The following ELFN1 variants were observed in gnomAD, a reference collection of about 807,000 sequenced individuals.
The protein encoded by ELFN1 is extracellular leucine rich repeat and fibronectin type III domain containing 1.
In ELFN1, 6 loss-of-function variants were observed where a neutral mutation model predicts 7.6. The ratio of observed to expected loss-of-function variants is 0.79; its 90% CI spans 0.43 to 1.56. The LOEUF is 1.56. ELFN1 is among the 40% of genes most tolerant of loss of function. ELFN1 has a pLI of 0.01. For missense variants in ELFN1, 1,169 were observed against 1,232.2 expected, an observed-to-expected ratio of 0.95 and a Z score of 0.77; for synonymous variants, 657 against 588.1, an observed-to-expected ratio of 1.12 and a Z score of -1.70.
In ELFN1 at chr7:1,740,104, G is replaced by A. The variant is rs1420917074; in HGVS notation, c.-293-4200G>A. Among the ~76,000 whole-genome samples the A allele has an allele frequency of 6.6e-6, 1 of 152,214 alleles. No homozygotes were observed. The highest frequency in any genetic ancestry group is 1.5e-5 in the Non-Finnish European group (1 of 68,028). ...CCAAGAAAGTGGTGTGGGCAGGATG[G>A]CATTGCAGAGGGCTGGAGGTATCAG... On this transcript the variant is annotated intron_variant, in intron 3 of 3. Transcript: ENST00000424383. The surrounding 1 kb of genome is among the most constrained non-coding windows in gnomAD (Gnocchi z 5.0).
At chr7:1,674,052 C>T (rs970318644) in intron 1 of ELFN1, among the ~76,000 whole-genome samples, 1 of 150,632 alleles carries the variant, frequency 6.6e-6, no homozygotes, top group Non-Finnish European at 1.5e-5. Flanking sequence ...CTGAGTCAGG[C>T]GGCGAGGACC....
At chr7:1,691,532 G>T (rs901494419) in intron 2 of ELFN1, among the ~76,000 whole-genome samples, 1 of 152,196 alleles carries the variant, frequency 6.6e-6, no homozygotes, top group African/African-American at 2.4e-5. Flanking sequence ...TGTAAAATGG[G>T]CAGGGGGTTA....
chr7:1,694,521 A>G (rs1185487890), intron 2 of ELFN1, among the ~76,000 whole-genome samples: 1 of 152,164 alleles, frequency 6.6e-6, no homozygotes, highest in Non-Finnish European at 1.5e-5. Flanking sequence ...TTCTAGAAAG[A>G]TAGAGCTCTG....
chr7:1,677,025 C>A (rs12671352), intron 1 of ELFN1, among the ~76,000 whole-genome samples: 23,773 of 152,124 alleles, frequency 0.16, 2,367 homozygotes, highest in African/African-American at 0.29. Context: ...GTACTGGGTG[C>A]CGACGCTGGC....
chr7:1,710,969 T>C (rs1779636791), intron 3 of ELFN1, among the ~76,000 whole-genome samples: 1 of 152,260 alleles, frequency 6.6e-6, no homozygotes, highest in Non-Finnish European at 1.5e-5. Context: ...GAGGGCAAGG[T>C]CCCAGGTGTT....
intron 3 of ELFN1, among the ~76,000 whole-genome samples, chr7:1,731,924 A>T (rs1313727231): frequency 6.6e-6 from 1 of 152,242 alleles, no homozygotes; most frequent in African/African-American, 2.4e-5. Flanking sequence ...TGCTGGGATT[A>T]TAAGCATGAG....
rs1780806811 is a variant in ELFN1, at chr7:1,746,667, C to T, written c.2071C>T (p.Arg691Trp). Residue 691 changes from arginine to tryptophan, a missense_variant, in exon 4 of 4, where the codon CGG (arginine) becomes TGG (tryptophan). By Grantham distance (101) the Arg-to-Trp change is moderately radical. Coordinates refer to ENST00000424383, the MANE Select transcript of ELFN1 (RefSeq NM_001128636.4). ...TGTGACACCCGCGGCCGCCGTGCTG[C>T]GGGCCGAGGCCGAGAAGGGTCGCCA... ...LTVTPAAAVL[R>W]AEAEKGRQYG... 1.0e-5 allele frequency: 14 copies of T among 1,380,648 alleles called. No homozygotes were observed. The highest frequency in any genetic ancestry group is 3.2e-5 in the East Asian group (1 of 30,894). The allele number at this position is 1,380,648 out of a possible 1,614,324, so 85.5% of individuals were successfully genotyped here. A position where few individuals can be genotyped will look rare whatever the true frequency, so the allele number is the denominator to read the frequency against.
Position 1,705,338 on chromosome 7 carries a change from TAA to T in ELFN1, c.-455-3752_-455-3751del, listed in dbSNP as rs1428984395. Among the ~76,000 whole-genome samples, 1 of 152,226 alleles carries T rather than the reference TAA, an allele frequency of 6.6e-6. No individual in the cohort carries two copies. Among genetic ancestry groups the T allele is most frequent in the Non-Finnish European group, 1.5e-5 (1 of 68,042 alleles). ...ATTACTGTTATTTGTTTTGCTGATA[TAA>T]GTGTTTGAAATGCAAATGTCAAGTT... On this transcript the variant is annotated intron_variant, in intron 2 of 3. Coordinates refer to ENST00000424383, the MANE Select transcript of ELFN1 (RefSeq NM_001128636.4). The surrounding 1 kb of genome is among the most constrained non-coding windows in gnomAD (Gnocchi z 4.3).
At chr7:1,677,833 G>A (rs184818734) in intron 1 of ELFN1, among the ~76,000 whole-genome samples, 127 of 152,164 alleles carry the variant, frequency 8.3e-4, no homozygotes, top group African/African-American at 2.8e-3. Flanking sequence ...TGCAGGGAGC[G>A]TGTGGAGCTC....
intron 3 of ELFN1, among the ~76,000 whole-genome samples, chr7:1,713,113 G>T (rs926391703): frequency 3.9e-5 from 6 of 152,206 alleles, no homozygotes; most frequent in African/African-American, 7.2e-5. Context: ...GCTCACCACA[G>T]CCTGGTGGGA....
At chr7:1,679,505 G>A (rs1583311345) in intron 1 of ELFN1, among the ~76,000 whole-genome samples, 1 of 152,170 alleles carries the variant, frequency 6.6e-6, no homozygotes, top group South Asian at 2.1e-4. Context: ...CCACAGGAAC[G>A]TTCCCTGGAG....
Position 1,675,611 on chromosome 7 carries a change from G to A in ELFN1, c.-549+5257G>A, listed in dbSNP as rs577923032. Among the ~76,000 whole-genome samples, 13 of 152,342 alleles carry A rather than the reference G, an allele frequency of 8.5e-5. No individual in the cohort carries two copies. In the South Asian group the frequency reaches 1.7e-3, roughly 19 times the overall value. Reference sequence around the variant, plus strand: ...CCCCACATGGATGAGAATCCCGCCCGGCTTCCTGGGGCCGAGGAGCGGGGT... The same window carrying A: ...CCCCACATGGATGAGAATCCCGCCCAGCTTCCTGGGGCCGAGGAGCGGGGT... On this transcript the variant is annotated intron_variant, in intron 1 of 3. Coordinates refer to ENST00000424383, the MANE Select transcript of ELFN1 (RefSeq NM_001128636.4).
rs370472465 is a variant in ELFN1, at chr7:1,744,818, C to T, written c.222C>T (p.Ser74=). The change falls in exon 4 of 4, where the codon AGC becomes AGT. Residue 74 remains serine, a synonymous_variant. Transcript: ENST00000424383. ...DLRLNENRIR[S]VQYASLSRFG... is the part of the protein sequence containing the mutation. ...GGCTCAACGAGAACCGTATCCGCAG[C>T]GTGCAGTACGCCTCGCTCAGCCGCT... 39 of 1,566,648 alleles carry T rather than the reference C, an allele frequency of 2.5e-5. No individual in the cohort carries two copies. The highest frequency in any genetic ancestry group is 9.4e-5 in the East Asian group (4 of 42,582).
intron 2 of ELFN1, chr7:1,693,805 G>T (rs779975939): frequency 2.1e-6 from 1 of 469,882 alleles, no homozygotes; most frequent in South Asian, 1.5e-5. Flanking sequence ...GGGACACGTG[G>T]GATGGGCCTC....
In ELFN1 at chr7:1,744,415, G is replaced by A; in HGVS notation, c.-182G>A. The A allele has an allele frequency of 1.5e-6, 1 of 649,090 alleles. No individual in the cohort carries two copies. The highest frequency in any genetic ancestry group is 2.3e-5 in the South Asian group (1 of 43,912). The allele number at this position is 649,090 out of a possible 1,614,324, so 40.2% of individuals were successfully genotyped here. On this transcript the variant is annotated 5_prime_UTR_variant, in exon 4 of 4. In the 5' UTR this introduces an upstream ATG that the reference lacks. Coordinates refer to ENST00000424383, the MANE Select transcript of ELFN1 (RefSeq NM_001128636.4). Reference sequence around the variant, plus strand: ...GGCGGAAGACGAGAGGCGGCCGGCCGTGAGGGAGGCGCCCTCCCTCCCCGC... The same window carrying A: ...GGCGGAAGACGAGAGGCGGCCGGCCATGAGGGAGGCGCCCTCCCTCCCCGC...
rs568318933 is a variant in ELFN1, at chr7:1,705,893, C to T, written c.-455-3198C>T. On this transcript the variant is annotated intron_variant, in intron 2 of 3. Transcript: ENST00000424383. The surrounding 1 kb of genome is among the most constrained non-coding windows in gnomAD (Gnocchi z 4.3). Reference sequence around the variant, plus strand: ...TTTGACCCCTCCAGCCCAGTGGTCTCTGAGGTTCCCCAGCCTGCGGTTCCA... The same window carrying T: ...TTTGACCCCTCCAGCCCAGTGGTCTTTGAGGTTCCCCAGCCTGCGGTTCCA... Among the ~76,000 whole-genome samples, 27 of 152,320 alleles carry T rather than the reference C, an allele frequency of 1.8e-4. No individual in the cohort carries two copies. In the East Asian group the frequency reaches 5.2e-3, roughly 29 times the overall value.
At position 1,746,937 on chromosome 7, in the gene ELFN1, A is replaced by C. The variant is rs1780819961; in HGVS notation, c.2341A>C (p.Arg781=). The change falls in exon 4 of 4, where the codon AGA becomes CGA. Residue 781 remains arginine (R), a synonymous_variant. Transcript: ENST00000424383. ...RASQSIWERF[R]LSRRRHKEEE... is the part of the protein sequence containing the mutation. ...CTCCCAGAGCATCTGGGAGCGCTTCAGACTGAGCCGCCGGCGGCACAAGGA... is the reference window on the plus strand; with the variant it reads ...CTCCCAGAGCATCTGGGAGCGCTTCCGACTGAGCCGCCGGCGGCACAAGGA... 3 of 1,550,186 alleles carry C rather than the reference A, an allele frequency of 1.9e-6. No individual in the cohort carries two copies. Among genetic ancestry groups the C allele is most frequent in the Non-Finnish European group, 2.6e-6 (3 of 1,146,882 alleles).
rs567863268 is a variant in ELFN1 at position 1,741,296 on chromosome 7, C to G, written c.-293-3008C>G. Among the ~76,000 whole-genome samples, 26 of 152,336 alleles carry G rather than the reference C, an allele frequency of 1.7e-4. 1 individual carries two copies. The highest frequency in any genetic ancestry group is 6.0e-4 in the African/African-American group (25 of 41,586). Reference sequence around the variant, plus strand: ...TCGTGCCCACACGCCCTAAAGATCTCCCTGCCCAGGAGACTTGGCAGCGAG... The same window carrying G: ...TCGTGCCCACACGCCCTAAAGATCTGCCTGCCCAGGAGACTTGGCAGCGAG... On this transcript the variant is annotated intron_variant, in intron 3 of 3. Transcript: ENST00000424383.
Position 1,705,005 on chromosome 7 carries a change from G to A in ELFN1, c.-455-4086G>A, listed in dbSNP as rs1461064251. 6.6e-6 allele frequency among the ~76,000 whole-genome samples: 1 copy of A among 152,164 alleles called. No homozygotes were observed. The highest frequency in any genetic ancestry group is 1.5e-5 in the Non-Finnish European group (1 of 68,020). The stretch of plus-strand genomic sequence containing the variant: ...GAGGAGCCAGCCTGGGTGGGTCTGC[G>A]AGAGGCTCCCAGGCAGAGGGCACAG... On this transcript the variant is annotated intron_variant, in intron 2 of 3. Transcript: ENST00000424383. The surrounding 1 kb of genome is among the most constrained non-coding windows in gnomAD (Gnocchi z 4.3).
Sources: gnomAD v4.1 joint callset for allele counts (sites outside exome capture counted in the v4.1 genomes callset) on GRCh38, gnomAD v4.1.1 for gene constraint, Gnocchi (gnomAD v3.1) non-coding constraint, MANE v1.5 for transcripts, NCBI Gene and HGNC (gene_info 2026-07-23, HGNC 2026-07-21) for gene names.